Variants in MEP1A observed in about 807,000 individuals in gnomAD.
MEP1A encodes N-benzoyl-L-tyrosyl-P-amino-benzoic acid hydrolase subunit alpha.
In MEP1A, 68 loss-of-function variants were observed where a neutral mutation model predicts 84.5. The ratio of observed to expected loss-of-function variants is 0.80; its 90% confidence interval spans 0.66 to 0.98. MEP1A has a LOEUF of 0.98. Ranked by LOEUF, MEP1A falls within the 50% of genes least tolerant of loss-of-function variation. The pLI, the probability that MEP1A is intolerant of heterozygous loss-of-function variation, is 0.00. For missense variants in MEP1A, 887 were observed against 919.9 expected, an observed-to-expected ratio of 0.96 and a Z score of 0.46; for synonymous variants, 337 against 336.8, an observed-to-expected ratio of 1.00 and a Z score of -0.01.
intron 10 of MEP1A, among the ~76,000 whole-genome samples, chr6:46,830,247 T>TAAAAAAAAAA (rs56033423): frequency 2.0e-5 from 1 of 50,092 alleles, no homozygotes; most frequent in African/African-American, 8.2e-5. Flanking sequence ...AGACTCCATC[T>TAAAAAAAAAA]AAAAAAAAAA....
At chr6:46,803,100 T>C (rs935795401) in intron 5 of MEP1A, among the ~76,000 whole-genome samples, 5 of 151,718 alleles carry the variant, frequency 3.3e-5, no homozygotes, top group Non-Finnish European at 7.4e-5. Flanking sequence ...TTTTTCTTTC[T>C]TAAATGTTGG....
Position 46,813,700 on chromosome 6 carries a change from T to A in MEP1A, c.380+4163T>A, listed in dbSNP as rs568424666. ...TTTTGGTATATTTTGAGGATTTGTT[T>A]CAAGATTTAGAGCTCCTTTTAGCAG... On this transcript the variant is annotated intron_variant, in intron 6 of 13. Coordinates refer to ENST00000230588, the MANE Select transcript of MEP1A (RefSeq NM_005588.3). 5.9e-5 allele frequency among the ~76,000 whole-genome samples: 9 copies of A among 152,296 alleles called. No individual in the cohort carries two copies. In the South Asian group the frequency reaches 1.9e-3, roughly 32 times the overall value.
Position 46,831,717 on chromosome 6 carries a change from A to G in MEP1A, c.1145-1357A>G, listed in dbSNP as rs183067764. 4.1e-4 allele frequency among the ~76,000 whole-genome samples: 62 copies of G among 152,338 alleles called. 1 individual carries two copies. The highest frequency in any genetic ancestry group is 1.4e-3 in the African/African-American group (60 of 41,572). On this transcript the variant is annotated intron_variant, in intron 10 of 13. Transcript: ENST00000230588. ...AACAGAATCCTATTCTCTTGACAGAATTCCCATGATCTATAACCTGCTGGA... is the reference window on the plus strand; with the variant it reads ...AACAGAATCCTATTCTCTTGACAGAGTTCCCATGATCTATAACCTGCTGGA...
intron 3 of MEP1A, among the ~76,000 whole-genome samples, chr6:46,797,078 C>G (rs571648307): frequency 6.6e-6 from 1 of 152,318 alleles, no homozygotes; most frequent in South Asian, 2.1e-4. Context: ...CCTAGTTAGT[C>G]ACTGGCAAGT....
At position 46,793,482 on chromosome 6, in the gene MEP1A, G is replaced by C; in HGVS notation, c.69+15G>C. On this transcript the variant is annotated intron_variant, in intron 1 of 13. Transcript: ENST00000230588. ...CAGCTGTACCGGTAAGTCGAGTCCT[G>C]CTTTTTGGATATTTAGAAATATTAA... 1 of 1,608,174 alleles carries C rather than the reference G, an allele frequency of 6.2e-7. No homozygotes were observed. Among genetic ancestry groups the C allele is most frequent in the Non-Finnish European group, 8.5e-7 (1 of 1,176,504 alleles).
In MEP1A at chr6:46,833,134, G is replaced by A. The variant is rs769871894; in HGVS notation, c.1205G>A (p.Arg402His). 22 of 1,556,068 alleles carry A rather than the reference G, an allele frequency of 1.4e-5. No homozygotes were observed. The South Asian group carries it at 1.7e-4, about 12-fold the overall frequency. ...GTGCTCAAAGAGGAACAGAAGTTTCGCTACCTTTTCCAGGGCACAAAAGGC... is the reference window on the plus strand; with the variant it reads ...GTGCTCAAAGAGGAACAGAAGTTTCACTACCTTTTCCAGGGCACAAAAGGC... The part of the protein sequence containing the change: ...HVVLKEEQKF[R>H]YLFQGTKGDP... The change falls in exon 11 of 14, where the codon CGC becomes CAC. Residue 402 changes from arginine to histidine, a missense_variant. Transcript: ENST00000230588.
chr6:46,832,994 C>A, intron 10 of MEP1A, 80 bp from the exon 11 acceptor site: 1 of 764,346 alleles, frequency 1.3e-6, no homozygotes, highest in Non-Finnish European at 2.2e-6. Flanking sequence ...ATGGAAAGCA[C>A]ATGGCACTGT....
At chr6:46,826,285 C>G in intron 8 of MEP1A, 69 bp from the exon 9 acceptor site, 1 of 1,423,350 alleles carries the variant, frequency 7.0e-7, no homozygotes, top group Non-Finnish European at 9.5e-7. Context: ...GTTTTAGTGG[C>G]TTAAGACATT....
At chr6:46,828,728 C>G (rs141745293) in intron 9 of MEP1A, among the ~76,000 whole-genome samples, 2 of 152,252 alleles carry the variant, frequency 1.3e-5, no homozygotes, top group Admixed American at 1.3e-4. Flanking sequence ...ATCTCTGGCA[C>G]TAATGTAGAC....
chr6:46,841,605 C>T (rs1362335271), downstream of MEP1A, among the ~76,000 whole-genome samples: 2 of 152,180 alleles, frequency 1.3e-5, no homozygotes, highest in East Asian at 3.9e-4. Flanking sequence ...TGTCTGACTT[C>T]TTTAATCTTA....
Position 46,839,083 on chromosome 6 carries a change from ATCT to A in MEP1A, c.2193_2195del (p.Phe731del), listed in dbSNP as rs745460928. On this transcript the variant is annotated inframe_deletion, in exon 14 of 14. Transcript: ENST00000230588. ...GGTGATCGGAGGCACGGCTGGCGTG[ATCT>A]TCTTGACCTTCTCCATCATCGCCAT... 1.5e-5 allele frequency: 25 copies of A among 1,613,262 alleles called. No homozygotes were observed. The Admixed American group carries it at 3.0e-4, about 19-fold the overall frequency.
chr6:46,831,397 C>T (rs562151950), intron 10 of MEP1A, among the ~76,000 whole-genome samples: 80 of 152,206 alleles, frequency 5.3e-4, no homozygotes, highest in African/African-American at 1.8e-3. Flanking sequence ...TGTGTATGTA[C>T]ACACACATGC....
the MEP1A span, among the ~76,000 whole-genome samples, chr6:46,844,790 A>G: frequency 3.8e-3 from 577 of 152,230 alleles, 10 homozygotes; most frequent in Middle Eastern, 0.024. Flanking sequence ...CTTCCTTTGC[A>G]GGTAGATGGG....
chr6:46,807,709 CAA>C (rs761425531), intron 5 of MEP1A, among the ~76,000 whole-genome samples: 10 of 106,944 alleles, frequency 9.4e-5, no homozygotes, highest in African/African-American at 3.2e-4. Context: ...AAGGAAAAAA[CAA>C]GAAGAAGAAG....
At chr6:46,797,598 C>T (rs1767072962) in intron 3 of MEP1A, among the ~76,000 whole-genome samples, 1 of 152,030 alleles carries the variant, frequency 6.6e-6, no homozygotes, top group Admixed American at 6.6e-5. Flanking sequence ...TGGGAAAGAG[C>T]AAAACACACT....
chr6:46,807,811 GAAA>G (rs1562107084), intron 5 of MEP1A, among the ~76,000 whole-genome samples: 11 of 149,116 alleles, frequency 7.4e-5, no homozygotes, highest in East Asian at 2.0e-4. Context: ...AAGAAAGAAA[GAAA>G]GAAAGAAAGA....
intron 6 of MEP1A, among the ~76,000 whole-genome samples, chr6:46,813,268 C>T (rs1767548819): frequency 6.6e-6 from 1 of 152,052 alleles, no homozygotes; most frequent in African/African-American, 2.4e-5. Context: ...AAATAACCTG[C>T]TGCTGAGTAA....
intron 6 of MEP1A, among the ~76,000 whole-genome samples, chr6:46,812,173 T>C (rs943628103): frequency 6.6e-6 from 1 of 152,074 alleles, no homozygotes; most frequent in African/African-American, 2.4e-5. Context: ...TGTTAAGAGA[T>C]TCTATATATT....
At chr6:46,807,799 GA>G (rs1491116006) in intron 5 of MEP1A, among the ~76,000 whole-genome samples, 2 of 145,424 alleles carry the variant, frequency 1.4e-5, no homozygotes, top group African/African-American at 5.0e-5. Context: ...AAGAAAGAAA[GA>G]AAGAAAGAAA....
Sources: gnomAD v4.1 joint callset for allele counts (sites outside exome capture counted in the v4.1 genomes callset) on GRCh38, gnomAD v4.1.1 for gene constraint, MANE v1.5 for transcripts, NCBI Gene and HGNC (gene_info 2026-07-23, HGNC 2026-07-21) for gene names.